The following SAXO1 variants were observed in gnomAD, a reference collection of about 807,000 sequenced individuals.
The protein encoded by SAXO1 is 4930500O09Rik.
A neutral mutation model predicts 17.5 loss-of-function variants in SAXO1; 21 were observed. That is an observed-to-expected ratio of 1.20 (90% CI 0.85 to 1.72). The LOEUF is 1.72. Among genes scored for constraint, SAXO1 ranks in the 40% most tolerant of loss-of-function variants. The pLI, the probability that SAXO1 is intolerant of heterozygous loss-of-function variation, is 0.00. For missense variants in SAXO1, 843 were observed against 596.0 expected, an observed-to-expected ratio of 1.41 and a Z score of -4.32; for synonymous variants, 274 against 216.5, an observed-to-expected ratio of 1.27 and a Z score of -2.33.
At chr9:19,030,941 G>C (rs752870051) in intron 1 of SAXO1, among the ~76,000 whole-genome samples, 1 of 152,154 alleles carries the variant, frequency 6.6e-6, no homozygotes, top group African/African-American at 2.4e-5. Flanking sequence ...GAAACTATTG[G>C]CTGAAACCAT....
intron 1 of SAXO1, among the ~76,000 whole-genome samples, chr9:18,962,865 T>C (rs1832545381): frequency 6.6e-6 from 1 of 152,268 alleles, no homozygotes; most frequent in African/African-American, 2.4e-5. Flanking sequence ...AGTCACGAAG[T>C]CTTTGCCCAT....
chr9:19,039,075 T>C (rs1483807774), intron 1 of SAXO1, among the ~76,000 whole-genome samples: 2 of 151,466 alleles, frequency 1.3e-5, no homozygotes, highest in Non-Finnish European at 2.9e-5. Context: ...GAACATTGTT[T>C]AAAGTGGTGA....
At chr9:18,990,588 C>A (rs1057325767) in intron 1 of SAXO1, among the ~76,000 whole-genome samples, 2 of 152,066 alleles carry the variant, frequency 1.3e-5, no homozygotes, top group African/African-American at 4.8e-5. Flanking sequence ...GTCCCCAACC[C>A]CTGGGCCATG....
intron 1 of SAXO1, among the ~76,000 whole-genome samples, chr9:18,998,867 G>A (rs1017565818): frequency 2.0e-5 from 3 of 152,192 alleles, no homozygotes; most frequent in East Asian, 1.9e-4. Flanking sequence ...ACCTTAATAA[G>A]TGAAGGAGAA....
intron 1 of SAXO1, among the ~76,000 whole-genome samples, chr9:18,969,016 G>T (rs1832844808): frequency 7.1e-6 from 1 of 140,704 alleles, no homozygotes; most frequent in African/African-American, 3.2e-5. Flanking sequence ...CCTGATCATT[G>T]TTGATGCTGG....
At chr9:18,952,926 T>C (rs1482263481) in intron 1 of SAXO1, among the ~76,000 whole-genome samples, 1 of 152,246 alleles carries the variant, frequency 6.6e-6, no homozygotes, top group East Asian at 1.9e-4. Context: ...CTTTAAAGTA[T>C]CTTCTGCACA....
intron 1 of SAXO1, among the ~76,000 whole-genome samples, chr9:18,968,573 T>C (rs879367119): frequency 2.0e-5 from 3 of 147,890 alleles, no homozygotes; most frequent in Non-Finnish European, 4.5e-5. Flanking sequence ...AGTGGCATCA[T>C]GGTTAAGAAA....
intron 3 of SAXO1, among the ~76,000 whole-genome samples, chr9:18,932,621 T>A (rs1040421778): frequency 3.3e-5 from 5 of 152,210 alleles, no homozygotes; most frequent in African/African-American, 9.7e-5. Context: ...ACAGATCAAT[T>A]TGGGACAACT....
intron 1 of SAXO1, among the ~76,000 whole-genome samples, chr9:19,014,784 T>C (rs1031092828): frequency 6.6e-6 from 1 of 152,160 alleles, no homozygotes; most frequent in African/African-American, 2.4e-5. Flanking sequence ...CAACTGAATG[T>C]TGGACAACAT....
At chr9:19,026,961 G>A (rs1303394011) in intron 1 of SAXO1, 12 of 895,928 alleles carry the variant, frequency 1.3e-5, no homozygotes, top group Non-Finnish European at 1.9e-5. Context: ...GTCCACGGAG[G>A]AGATCATCCA....
rs186151769 is a variant in SAXO1 at position 18,947,044 on chromosome 9, T to C, written c.218+3714A>G. On this transcript the variant is annotated intron_variant, in intron 2 of 3. Transcript: ENST00000380534. The stretch of plus-strand genomic sequence containing the variant: ...ACTTGAAGAAATAATGGCCAAAATG[T>C]CTACAAATTTACTCAGAAATACAGT... Among the ~76,000 whole-genome samples, 7 of 152,292 alleles carry C rather than the reference T, an allele frequency of 4.6e-5. No homozygotes were observed. The East Asian group carries it at 1.3e-3, about 29-fold the overall frequency.
chr9:18,932,714 T>G (rs73427229), intron 3 of SAXO1, among the ~76,000 whole-genome samples: 2,860 of 152,312 alleles, frequency 0.019, 89 homozygotes, highest in African/African-American at 0.063. Context: ...CTCCCAGCAA[T>G]CGTTGGTAGC....
At chr9:18,957,966 T>A (rs564061161) in intron 1 of SAXO1, among the ~76,000 whole-genome samples, 2 of 152,246 alleles carry the variant, frequency 1.3e-5, no homozygotes, top group Admixed American at 1.3e-4. Context: ...TATAACAACT[T>A]TTGGACATAG....
chr9:18,969,019 G>C (rs1270340415), intron 1 of SAXO1, among the ~76,000 whole-genome samples: 1 of 140,466 alleles, frequency 7.1e-6, no homozygotes, highest in Non-Finnish European at 1.5e-5. Flanking sequence ...GATCATTGTT[G>C]ATGCTGGAAA....
In SAXO1 at chr9:18,994,299, G is replaced by A. The variant is rs574016077; in HGVS notation, c.38+38572C>T. Among the ~76,000 whole-genome samples, 35 of 152,292 alleles carry A rather than the reference G, an allele frequency of 2.3e-4. No homozygotes were observed. The South Asian group carries it at 7.3e-3, about 32-fold the overall frequency. On this transcript the variant is annotated intron_variant, in intron 1 of 3. Transcript: ENST00000380534. The stretch of plus-strand genomic sequence containing the variant: ...CACTGAAACCTTAGGAAAATTTTAT[G>A]ACGACAATGTGCCATGTACGTAAAA...
intron 3 of SAXO1, 21 bp from the exon 4 acceptor site, chr9:18,929,076 G>A: frequency 6.2e-7 from 1 of 1,608,666 alleles, no homozygotes. Context: ...AGCAGAAGAG[G>A]TAATTAATAA....
chr9:18,952,081 A>T (rs765071667), intron 1 of SAXO1, among the ~76,000 whole-genome samples: 1 of 152,230 alleles, frequency 6.6e-6, no homozygotes, highest in African/African-American at 2.4e-5. Flanking sequence ...TTTACTTACT[A>T]CTTACAGCTG....
rs753254959 is a variant in SAXO1, at chr9:18,941,826, G to T, written c.232C>A (p.Pro78Thr). 6.2e-7 allele frequency: 1 copy of T among 1,614,158 alleles called. No homozygotes were observed. Among genetic ancestry groups the T allele is most frequent in the East Asian group, 2.2e-5 (1 of 44,888 alleles). Reference protein sequence around the residue: ...GLTTSRRDFGPHKVAPVKVHQ... With the variant: ...GLTTSRRDFGTHKVAPVKVHQ... ...ACCTTCACTGGTGCCACTTTGTGAG[G>T]CCCAAAATCTCTCCTGTAAGGAAGC... Residue 78 changes from proline (P) to threonine (T), a missense_variant, in exon 3 of 4, where the codon CCT becomes ACT. Physicochemically the swap from Pro to Thr is conservative, Grantham distance 38 (BLOSUM62 -1). Coordinates refer to ENST00000380534, the MANE Select transcript of SAXO1 (RefSeq NM_153707.4).
chr9:18,968,915 G>A (rs1026038339), intron 1 of SAXO1, among the ~76,000 whole-genome samples: 2 of 152,128 alleles, frequency 1.3e-5, no homozygotes, highest in African/African-American at 4.8e-5. Context: ...TACTTTTAGA[G>A]AAGCATAATA....
Sources: allele counts gnomAD v4.1 joint callset (sites outside exome capture counted in the v4.1 genomes callset), GRCh38; gene constraint gnomAD v4.1.1; transcripts MANE v1.5; gene names NCBI Gene and HGNC (gene_info 2026-07-23, HGNC 2026-07-21).